Variants in SLCO3A1 observed in about 807,000 individuals in gnomAD.
SLCO3A1 encodes the protein solute carrier organic anion transporter family member 3A1.
A neutral mutation model predicts 63.1 loss-of-function variants in SLCO3A1; 27 were observed. That is an observed-to-expected ratio of 0.43 (90% CI 0.32 to 0.59). The LOEUF is 0.59. Among genes scored for constraint, SLCO3A1 ranks in the 20% least tolerant of loss-of-function variants. The pLI, the probability that SLCO3A1 is intolerant of heterozygous loss-of-function variation, is 0.09. For synonymous variants in SLCO3A1, 473 were observed against 409.9 expected, an observed-to-expected ratio of 1.15 and a Z score of -1.86; for missense variants, 773 against 945.8, an observed-to-expected ratio of 0.82 and a Z score of 2.40.
intron 1 of SLCO3A1, among the ~76,000 whole-genome samples, chr15:91,891,262 G>A (rs746909105): frequency 6.6e-6 from 1 of 152,138 alleles, no homozygotes; most frequent in Non-Finnish European, 1.5e-5. Context: ...AGCAGAAAGA[G>A]CCCAGCTGTC....
intron 9 of SLCO3A1, 70 bp from the exon 10 acceptor site, chr15:92,162,686 A>C: frequency 6.5e-7 from 1 of 1,528,128 alleles, no homozygotes; most frequent in Non-Finnish European, 8.8e-7. Context: ...AAGAAAAGCT[A>C]GGCAGAGACA....
At position 92,147,115 on chromosome 15, in the gene SLCO3A1, G is replaced by T; in HGVS notation, c.1644G>T (p.Leu548=). 6.2e-7 allele frequency: 1 copy of T among 1,612,532 alleles called. No homozygotes were observed. Among genetic ancestry groups the T allele is most frequent in the Non-Finnish European group, 8.5e-7 (1 of 1,179,952 alleles). ...TCTGTGTGATGTGTATCTGCAGCCTGATCGGTGCCATGGCACAGACACCCT... is the reference window on the plus strand; with the variant it reads ...TCTGTGTGATGTGTATCTGCAGCCTTATCGGTGCCATGGCACAGACACCCT... ...TFLCVMCICS[L]IGAMAQTPSV... is the part of the protein sequence containing the mutation. Residue 548 remains leucine, a synonymous_variant, in exon 8 of 10, where the codon CTG becomes CTT. Coordinates refer to ENST00000318445, the MANE Select transcript of SLCO3A1 (RefSeq NM_013272.4).
At position 91,958,084 on chromosome 15, in the gene SLCO3A1, T is replaced by G. The variant is rs142124952; in HGVS notation, c.646+41626T>G. Among the ~76,000 whole-genome samples, 69 of 152,326 alleles carry G rather than the reference T, an allele frequency of 4.5e-4. No homozygotes were observed. The East Asian group carries it at 0.012, about 26-fold the overall frequency. On this transcript the variant is annotated intron_variant, in intron 2 of 9. Coordinates refer to ENST00000318445, the MANE Select transcript of SLCO3A1 (RefSeq NM_013272.4). ...GAGATTTGCAACAATTTGAGAAAAC[T>G]TGCAGATGAATTATGTAGCCTAGGA...
chr15:92,101,950 C>A (rs755700859), intron 3 of SLCO3A1, among the ~76,000 whole-genome samples: 10 of 152,278 alleles, frequency 6.6e-5, no homozygotes, highest in Non-Finnish European at 1.3e-4. Flanking sequence ...AAACCACCAC[C>A]TCCCCCATCG....
intron 2 of SLCO3A1, among the ~76,000 whole-genome samples, chr15:91,955,181 G>A (rs1900128409): frequency 6.6e-6 from 1 of 152,028 alleles, no homozygotes; most frequent in Non-Finnish European, 1.5e-5. Flanking sequence ...CAGCTTCCAC[G>A]TGAAGAAACT....
At chr15:91,956,306 C>G (rs988605077) in intron 2 of SLCO3A1, among the ~76,000 whole-genome samples, 3 of 152,084 alleles carry the variant, frequency 2.0e-5, no homozygotes, top group Non-Finnish European at 4.4e-5. Flanking sequence ...GGATTTGATG[C>G]GAAATGGGCT....
intron 1 of SLCO3A1, among the ~76,000 whole-genome samples, chr15:91,866,058 GGTAACCAT>G (rs1312818070): frequency 1.3e-5 from 2 of 152,120 alleles, no homozygotes; most frequent in Non-Finnish European, 2.9e-5. Context: ...TCTGTAAGAA[GGTAACCAT>G]GTTACTCTCT....
At position 92,094,939 on chromosome 15, in the gene SLCO3A1, C is replaced by G. The variant is rs1169884768; in HGVS notation, c.705C>G (p.Phe235Leu). The change falls in exon 3 of 10, where the codon TTC (phenylalanine) becomes TTG (leucine). Residue 235 changes from phenylalanine (F) to leucine (L), a missense_variant. This residue lies in a region of SLCO3A1 where 565 missense variants were observed against 749.8 expected (regional missense o/e 0.75). Coordinates refer to ENST00000318445, the MANE Select transcript of SLCO3A1 (RefSeq NM_013272.4). ...CCTGCGGGTTTATCCTGGGCTCTTTCTGTACCAAAATCTACGTGGATGCGG... is the reference window on the plus strand; with the variant it reads ...CCTGCGGGTTTATCCTGGGCTCTTTGTGTACCAAAATCTACGTGGATGCGG... Reference protein sequence around the residue: ...GPACGFILGSFCTKIYVDAVF... With the variant: ...GPACGFILGSLCTKIYVDAVF... The G allele has an allele frequency of 6.2e-7, 1 of 1,613,738 alleles. No individual in the cohort carries two copies. Among genetic ancestry groups the G allele is most frequent in the Non-Finnish European group, 8.5e-7 (1 of 1,179,612 alleles).
At chr15:91,931,630 C>T (rs1270115209) in intron 2 of SLCO3A1, among the ~76,000 whole-genome samples, 3 of 152,042 alleles carry the variant, frequency 2.0e-5, no homozygotes, top group Admixed American at 6.5e-5. Context: ...ACCACTGCGT[C>T]GGGCTAATTT....
intron 2 of SLCO3A1, among the ~76,000 whole-genome samples, chr15:91,988,798 A>G (rs1417470874): frequency 6.6e-6 from 1 of 152,224 alleles, no homozygotes; most frequent in African/African-American, 2.4e-5. Context: ...TCACTCATAT[A>G]TGCACACAAC....
At chr15:91,911,582 A>G (rs1456933230) in intron 1 of SLCO3A1, among the ~76,000 whole-genome samples, 1 of 152,168 alleles carries the variant, frequency 6.6e-6, no homozygotes, top group Non-Finnish European at 1.5e-5. Context: ...TATCAGACGC[A>G]TATCTATATC....
chr15:91,864,793 T>G (rs1490289056), intron 1 of SLCO3A1, among the ~76,000 whole-genome samples: 1 of 152,234 alleles, frequency 6.6e-6, no homozygotes, highest in African/African-American at 2.4e-5. Flanking sequence ...GCCTTGGTGC[T>G]GCTTTTTGCA....
At chr15:92,144,183 G>C (rs1228877019) in intron 7 of SLCO3A1, among the ~76,000 whole-genome samples, 1 of 152,200 alleles carries the variant, frequency 6.6e-6, no homozygotes, top group East Asian at 1.9e-4. Flanking sequence ...GTTCCCAGTT[G>C]GGACAGACCC....
At chr15:91,960,184 G>A (rs1397794018) in intron 2 of SLCO3A1, among the ~76,000 whole-genome samples, 2 of 152,074 alleles carry the variant, frequency 1.3e-5, no homozygotes, top group South Asian at 2.1e-4. Flanking sequence ...GGAGTTTCAC[G>A]ATGTTAGCCA....
downstream of SLCO3A1, among the ~76,000 whole-genome samples, chr15:92,167,261 G>A (rs1465954368): frequency 6.6e-6 from 1 of 152,148 alleles, no homozygotes; most frequent in Non-Finnish European, 1.5e-5. Flanking sequence ...CATGGCAGGG[G>A]CCTGCTGGCT....
At chr15:91,959,767 G>C (rs1900373720) in intron 2 of SLCO3A1, among the ~76,000 whole-genome samples, 1 of 149,644 alleles carries the variant, frequency 6.7e-6, no homozygotes, top group Middle Eastern at 3.5e-3. Flanking sequence ...AATATACACA[G>C]TTCAGTTGTT....
chr15:91,948,091 C>A lies in SLCO3A1; in HGVS notation c.646+31633C>A, dbSNP rs1300176058. Among the ~76,000 whole-genome samples the A allele has an allele frequency of 1.3e-5, 2 of 152,210 alleles. No individual in the cohort carries two copies. Among genetic ancestry groups the A allele is most frequent in the African/African-American group, 2.4e-5 (1 of 41,448 alleles). On this transcript the variant is annotated intron_variant, in intron 2 of 9. Coordinates refer to ENST00000318445, the MANE Select transcript of SLCO3A1 (RefSeq NM_013272.4). The surrounding 1 kb of genome is among the most constrained non-coding windows in gnomAD (Gnocchi z 4.8). ...ATGGAGATAAAATAGAGATTGACTT[C>A]TGCATTCCTTGCTCAGCTTTCCACA...
chr15:92,102,465 T>G (rs1030881869), intron 3 of SLCO3A1, among the ~76,000 whole-genome samples: 1 of 152,198 alleles, frequency 6.6e-6, no homozygotes, highest in Non-Finnish European at 1.5e-5. Flanking sequence ...CTGTCATCCT[T>G]GCAACCACTC....
intron 2 of SLCO3A1, among the ~76,000 whole-genome samples, chr15:91,936,994 C>T (rs1899436386): frequency 6.6e-6 from 1 of 152,142 alleles, no homozygotes; most frequent in Non-Finnish European, 1.5e-5. Context: ...GCCTGTGCCC[C>T]CTGAATCTGC....
Sources: allele counts gnomAD v4.1 joint callset (sites outside exome capture counted in the v4.1 genomes callset), GRCh38; gene constraint gnomAD v4.1.1; regional missense constraint gnomAD v4.1.1; non-coding constraint Gnocchi (gnomAD v3.1); transcripts MANE v1.5; gene names NCBI Gene and HGNC (gene_info 2026-07-23, HGNC 2026-07-21).